SRD5A3: variants seen among roughly 807,000 people sequenced by gnomAD.
SRD5A3 encodes polyprenal reductase.
Under a neutral mutation model 34.3 loss-of-function variants are expected in SRD5A3, and 24 were observed. That is an observed-to-expected ratio of 0.70 (90% confidence interval 0.51 to 0.99). The LOEUF is 0.99. Among genes scored for constraint, SRD5A3 ranks in the 50% least tolerant of loss-of-function variants. SRD5A3 has a pLI of 0.00. For synonymous variants in SRD5A3, 161 were observed against 167.3 expected, an observed-to-expected ratio of 0.96 and a Z score of 0.29; for missense variants, 350 against 388.2, an observed-to-expected ratio of 0.90 and a Z score of 0.83.
At chr4:55,360,803 C>T (rs1392576922) in intron 2 of SRD5A3, among the ~76,000 whole-genome samples, 1 of 151,660 alleles carries the variant, frequency 6.6e-6, no homozygotes, top group Non-Finnish European at 1.5e-5. Context: ...ATTCTCCTGC[C>T]TCAGCCTCCC....
intron 1 of SRD5A3, among the ~76,000 whole-genome samples, chr4:55,354,406 A>ATTT (rs1224081704): frequency 6.6e-6 from 1 of 152,116 alleles, no homozygotes; most frequent in African/African-American, 2.4e-5. Context: ...GCAAATATGT[A>ATTT]TTAATATTAA....
chr4:55,353,574 C>G (rs541753756), intron 1 of SRD5A3, among the ~76,000 whole-genome samples: 1 of 152,316 alleles, frequency 6.6e-6, no homozygotes, highest in East Asian at 1.9e-4. Flanking sequence ...TTCTTTTGCT[C>G]TTCACGGTAA....
chr4:55,350,326 C>T (rs781138794), intron 1 of SRD5A3, among the ~76,000 whole-genome samples: 9 of 152,012 alleles, frequency 5.9e-5, no homozygotes. Flanking sequence ...GCCAAGATCG[C>T]GCCACTGCAC....
chr4:55,367,523 G>A (rs1719947182), intron 3 of SRD5A3, 65 bp from the exon 4 acceptor site: 2 of 1,580,242 alleles, frequency 1.3e-6, no homozygotes, highest in East Asian at 2.2e-5. Flanking sequence ...CTGACTAAAT[G>A]ATTTGTTTAA....
chr4:55,354,341 GC>G (rs1719344365), intron 1 of SRD5A3, among the ~76,000 whole-genome samples: 1 of 152,248 alleles, frequency 6.6e-6, no homozygotes, highest in South Asian at 2.1e-4. Flanking sequence ...CAGGTGATCT[GC>G]CCTCAGCCTT....
At chr4:55,362,785 GTTAA>G (rs1473517612) in intron 2 of SRD5A3, among the ~76,000 whole-genome samples, 5 of 150,492 alleles carry the variant, frequency 3.3e-5, no homozygotes, top group African/African-American at 9.8e-5. Context: ...ATTTGTAAAA[GTTAA>G]TTAAGTTGCA....
At chr4:55,353,695 G>A (rs1205993853) in intron 1 of SRD5A3, among the ~76,000 whole-genome samples, 1 of 151,560 alleles carries the variant, frequency 6.6e-6, no homozygotes. Flanking sequence ...AACCCACCTG[G>A]AGGAACAAAC....
At chr4:55,365,405 A>G (rs1193423275) in intron 3 of SRD5A3, among the ~76,000 whole-genome samples, 2 of 152,176 alleles carry the variant, frequency 1.3e-5, no homozygotes, top group African/African-American at 4.8e-5. Context: ...TGAATTATTG[A>G]TTGGCTCCAG....
In SRD5A3 at chr4:55,359,526, G is replaced by A. The variant is rs559296494; in HGVS notation, c.364+38G>A. On this transcript the variant is annotated intron_variant, in intron 2 of 4. Coordinates refer to ENST00000264228, the MANE Select transcript of SRD5A3 (RefSeq NM_024592.5). Reference sequence around the variant, plus strand: ...TGGGCTTATGACAACGCTGCATCCCGTTTCTGTTGTTCCTGTCTGCAAGGG... The same window carrying A: ...TGGGCTTATGACAACGCTGCATCCCATTTCTGTTGTTCCTGTCTGCAAGGG... 3.7e-5 allele frequency: 60 copies of A among 1,613,044 alleles called. 1 individual carries two copies. The Middle Eastern group carries it at 5.0e-4, about 13-fold the overall frequency.
chr4:55,360,688 GT>G (rs367942216), intron 2 of SRD5A3, among the ~76,000 whole-genome samples: 1,795 of 133,606 alleles, frequency 0.013, 32 homozygotes, highest in African/African-American at 0.05. Flanking sequence ...AATATGGAAC[GT>G]TTTTTTTTTT....
rs1201514462 is a variant in SRD5A3, at chr4:55,353,422, C to CT, written c.222-5923dup. ...TGGTAAAAACGGACCAATCAGCACT[C>CT]TGTAAAATGGACCAATCAGCACTCT... On this transcript the variant is annotated intron_variant, in intron 1 of 4. Transcript: ENST00000264228. Among the ~76,000 whole-genome samples the CT allele has an allele frequency of 2.0e-5, 3 of 152,092 alleles. No homozygotes were observed. In the East Asian group the frequency reaches 5.8e-4, roughly 29 times the overall value.
Position 55,369,881 on chromosome 4 carries a change from A to G in SRD5A3, c.747A>G (p.Glu249=). 1.9e-6 allele frequency: 3 copies of G among 1,614,164 alleles called. No homozygotes were observed. The highest frequency in any genetic ancestry group is 2.2e-5 in the East Asian group (1 of 44,884). The change falls in exon 5 of 5, where the codon GAA becomes GAG. Residue 249 remains glutamate (E), a synonymous_variant. Coordinates refer to ENST00000264228, the MANE Select transcript of SRD5A3 (RefSeq NM_024592.5). ...GGATCCCATTTGGAGACTGGTTTGA[A>G]TATGTTTCTTCCCCTAACTACTTAG... ...NHRIPFGDWF[E]YVSSPNYLAE...
intron 3 of SRD5A3, 42 bp downstream of exon 3, chr4:55,364,313 T>A: frequency 6.2e-7 from 1 of 1,602,638 alleles, no homozygotes; most frequent in Admixed American, 1.7e-5. Flanking sequence ...CACCCCAGGG[T>A]GTATGATGCG....
At chr4:55,353,416 A>C (rs1225679246) in intron 1 of SRD5A3, among the ~76,000 whole-genome samples, 2 of 152,152 alleles carry the variant, frequency 1.3e-5, no homozygotes, top group South Asian at 4.1e-4. Context: ...CGGACCAATC[A>C]GCACTCTGTA....
At chr4:55,348,854 C>T (rs1002946333) in intron 1 of SRD5A3, among the ~76,000 whole-genome samples, 3 of 152,108 alleles carry the variant, frequency 2.0e-5, no homozygotes, top group Admixed American at 2.0e-4. Context: ...TGGTATACTT[C>T]GTGGGAAATA....
Position 55,370,022 on chromosome 4 carries a change from C to T in SRD5A3, c.888C>T (p.His296=). 1 of 1,614,188 alleles carries T rather than the reference C, an allele frequency of 6.2e-7. No homozygotes were observed. The highest frequency in any genetic ancestry group is 8.5e-7 in the Non-Finnish European group (1 of 1,180,028). ...FNQALSAFLS[H]QFYKSKFVSY... The stretch of plus-strand genomic sequence containing the variant: ...AGGCCCTGTCTGCCTTTCTCAGCCA[C>T]CAATTCTACAAAAGCAAATTTGTCT... The change falls in exon 5 of 5, where the codon CAC becomes CAT. Residue 296 remains histidine, a synonymous_variant. Transcript: ENST00000264228.
At chr4:55,348,547 A>T (rs79926142) in intron 1 of SRD5A3, among the ~76,000 whole-genome samples, 2,066 of 152,238 alleles carry the variant, frequency 0.014, 44 homozygotes, top group African/African-American at 0.048. Context: ...TTTATCATTT[A>T]AAAAAATGTG....
rs1578198970 is a variant in SRD5A3, at chr4:55,346,577, G to A, written c.221+20G>A. On this transcript the variant is annotated intron_variant, in intron 1 of 4. Coordinates refer to ENST00000264228, the MANE Select transcript of SRD5A3 (RefSeq NM_024592.5). ...CAAGAGGTAACCGCGCCCCGGTCCCGAGCCGCGGTGGTCAAGGCGCTGAGA... is the reference window on the plus strand; with the variant it reads ...CAAGAGGTAACCGCGCCCCGGTCCCAAGCCGCGGTGGTCAAGGCGCTGAGA... 5.1e-6 allele frequency: 8 copies of A among 1,560,050 alleles called. No homozygotes were observed. The highest frequency in any genetic ancestry group is 4.2e-5 in the African/African-American group (3 of 70,734).
intron 1 of SRD5A3, among the ~76,000 whole-genome samples, chr4:55,349,926 G>A (rs28408145): frequency 0.031 from 4,764 of 152,102 alleles, 236 homozygotes; most frequent in African/African-American, 0.11. Flanking sequence ...TACAAACTAC[G>A]GTAGAATTAG....
Sources: allele counts gnomAD v4.1 joint callset (sites outside exome capture counted in the v4.1 genomes callset), GRCh38; gene constraint gnomAD v4.1.1; transcripts MANE v1.5; gene names NCBI Gene and HGNC (gene_info 2026-07-23, HGNC 2026-07-21).